The following YPEL1 variants were observed in gnomAD, a reference collection of about 807,000 sequenced individuals.
The protein encoded by YPEL1 is protein yippee-like 1.
Under a neutral mutation model 17.3 loss-of-function variants are expected in YPEL1, and 7 were observed. That is an observed-to-expected ratio of 0.40 (90% CI 0.23 to 0.76). The LOEUF is 0.76. Among genes scored for constraint, YPEL1 ranks in the 30% least tolerant of loss-of-function variants. The probability of loss-of-function intolerance (pLI) is 0.35; values close to 1 mark genes in which losing one functional copy is unlikely to be tolerated. For missense variants in YPEL1, 91 were observed against 155.5 expected (o/e 0.59, Z 2.21); for synonymous variants, 59 against 59.6 (o/e 0.99, Z 0.05).
chr22:21,717,181 G>T (rs113985413), intron 1 of YPEL1, among the ~76,000 whole-genome samples: 17,505 of 151,974 alleles, frequency 0.12, 1,281 homozygotes, highest in Non-Finnish European at 0.17. Context: ...TTCGAGACCA[G>T]CCTGGCCAAC....
chr22:21,715,736 C>T (rs1236127416), intron 1 of YPEL1, among the ~76,000 whole-genome samples: 1 of 111,254 alleles, frequency 9.0e-6, no homozygotes, highest in Non-Finnish European at 2.2e-5. Flanking sequence ...CACGTGCCAC[C>T]ACACCTAATT....
chr22:21,725,687 T>G (rs903284097), intron 1 of YPEL1, among the ~76,000 whole-genome samples: 14 of 151,678 alleles, frequency 9.2e-5, no homozygotes, highest in Non-Finnish European at 1.8e-4. Flanking sequence ...CAAAAGTAAA[T>G]GGGGGTTGAA....
rs1047659143 is a variant in YPEL1 at position 21,699,031 on chromosome 22, C to T, written c.*2098G>A. 6.6e-6 allele frequency: 1 copy of T among 152,426 alleles called. No individual in the cohort carries two copies. Among genetic ancestry groups the T allele is most frequent in the Non-Finnish European group, 1.5e-5 (1 of 68,072 alleles). 9.4% of individuals were successfully genotyped at this position (152,426 alleles called of 1,614,324 possible). ...GGATGCATCTCAGTGCCATGCCCACCAGGGCAGCGGCATTTCCCACCTGCC... is the reference window on the plus strand; with the variant it reads ...GGATGCATCTCAGTGCCATGCCCACTAGGGCAGCGGCATTTCCCACCTGCC... On this transcript the variant is annotated 3_prime_UTR_variant, in exon 5 of 5. Coordinates refer to ENST00000339468, the MANE Select transcript of YPEL1 (RefSeq NM_013313.5).
intron 2 of YPEL1, among the ~76,000 whole-genome samples, chr22:21,708,794 G>A (rs2068138054): frequency 6.6e-6 from 1 of 150,986 alleles, no homozygotes; most frequent in South Asian, 2.1e-4. Flanking sequence ...AGCCTCCCAA[G>A]TAGCTGGGAT....
At chr22:21,724,451 A>T (rs2068312823) in intron 1 of YPEL1, among the ~76,000 whole-genome samples, 1 of 152,190 alleles carries the variant, frequency 6.6e-6, no homozygotes, top group Non-Finnish European at 1.5e-5. Flanking sequence ...GCAGGAGAAT[A>T]GCTTGAACTC....
chr22:21,726,339 T>C (rs1045880205), intron 1 of YPEL1, among the ~76,000 whole-genome samples: 3 of 152,224 alleles, frequency 2.0e-5, no homozygotes, highest in African/African-American at 7.2e-5. Context: ...GACAGGCGTT[T>C]GCCCTTTACA....
intron 1 of YPEL1, among the ~76,000 whole-genome samples, chr22:21,734,885 T>A (rs892089842): frequency 1.3e-5 from 2 of 151,988 alleles, no homozygotes; most frequent in African/African-American, 2.4e-5. Context: ...AAAGGAAACA[T>A]CAGGTTAAGG....
chr22:21,704,353 A>G (rs2068096547), intron 2 of YPEL1, among the ~76,000 whole-genome samples: 1 of 152,102 alleles, frequency 6.6e-6, no homozygotes, highest in South Asian at 2.1e-4. Context: ...TTCCCACTGA[A>G]ATGTTTTAAA....
At chr22:21,705,500 C>G (rs2148597278) in intron 2 of YPEL1, among the ~76,000 whole-genome samples, 1 of 152,226 alleles carries the variant, frequency 6.6e-6, no homozygotes, top group Non-Finnish European at 1.5e-5. Flanking sequence ...ACCACCATGC[C>G]CAGCCCTTTT....
chr22:21,715,584 TTTA>T (rs2068213466), intron 1 of YPEL1, among the ~76,000 whole-genome samples: 1 of 91,414 alleles, frequency 1.1e-5, no homozygotes, highest in African/African-American at 3.0e-5. Context: ...AGGTAGATTT[TTTA>T]TTTTTTTTAT....
intron 1 of YPEL1, among the ~76,000 whole-genome samples, chr22:21,719,647 G>A (rs1373281691): frequency 6.6e-6 from 1 of 152,190 alleles, no homozygotes; most frequent in Non-Finnish European, 1.5e-5. Context: ...CACTTTGGGA[G>A]GGTGAGGCAG....
In YPEL1 at chr22:21,712,315, ACATATTCTCTATATATC is replaced by A. The variant is rs1569060812; in HGVS notation, c.-164-1424_-164-1408del. On this transcript the variant is annotated intron_variant, in intron 1 of 4. Coordinates refer to ENST00000339468, the MANE Select transcript of YPEL1 (RefSeq NM_013313.5). ...TACATATATTCTATATTCTCTCTAT[ACATATTCTCTATATATC>A]CATATTCTCTATATATCCTAGTTAT... 7.3e-5 allele frequency among the ~76,000 whole-genome samples: 11 copies of A among 150,648 alleles called. No homozygotes were observed. In the South Asian group the frequency reaches 1.9e-3, roughly 26 times the overall value.
Position 21,703,286 on chromosome 22 carries a change from G to A in YPEL1, c.270+84C>T. 2 of 1,209,894 alleles carry A rather than the reference G, an allele frequency of 1.7e-6. No homozygotes were observed. The highest frequency in any genetic ancestry group is 1.7e-5 in the Admixed American group (1 of 58,242). The allele number at this position is 1,209,894 out of a possible 1,614,324, so 74.9% of individuals were successfully genotyped here. On this transcript the variant is annotated intron_variant, in intron 4 of 4. Coordinates refer to ENST00000339468, the MANE Select transcript of YPEL1 (RefSeq NM_013313.5). This position sits in a 1 kb window ranked among gnomAD's most constrained non-coding sequence, Gnocchi z 6.1. ...GAAAGTGCTGTGACTGGTACCATGG[G>A]CCACACTGCACGGGGAGGTGTGGCT... is the stretch of plus-strand genomic sequence containing the variant.
intron 1 of YPEL1, among the ~76,000 whole-genome samples, chr22:21,734,260 G>C (rs980749373): frequency 6.6e-6 from 1 of 152,162 alleles, no homozygotes; most frequent in African/African-American, 2.4e-5. Flanking sequence ...AAATTACAGT[G>C]ATTCAAAGGT....
At chr22:21,701,911 C>G (rs1027807169) in intron 4 of YPEL1, among the ~76,000 whole-genome samples, 3 of 152,138 alleles carry the variant, frequency 2.0e-5, no homozygotes, top group Non-Finnish European at 4.4e-5. Flanking sequence ...AAAAACTTAG[C>G]TGGGTGTGGT....
intron 2 of YPEL1, among the ~76,000 whole-genome samples, chr22:21,705,857 C>T (rs1474454555): frequency 6.6e-6 from 1 of 151,992 alleles, no homozygotes; most frequent in Non-Finnish European, 1.5e-5. Context: ...AGGCCAGGCG[C>T]GGTGGCTCAC....
chr22:21,716,476 G>C (rs375495755), intron 1 of YPEL1, among the ~76,000 whole-genome samples: 1 of 151,866 alleles, frequency 6.6e-6, no homozygotes, highest in Non-Finnish European at 1.5e-5. Context: ...CAGCCACCCC[G>C]GGCTTCCGAT....
chr22:21,713,859 T>A (rs2068195344), intron 1 of YPEL1, among the ~76,000 whole-genome samples: 1 of 152,180 alleles, frequency 6.6e-6, no homozygotes, highest in African/African-American at 2.4e-5. Context: ...GCGCCAAGTT[T>A]TCCTGGTGGC....
chr22:21,721,012 T>G (rs562913014), intron 1 of YPEL1, among the ~76,000 whole-genome samples: 2 of 152,124 alleles, frequency 1.3e-5, no homozygotes, highest in East Asian at 3.9e-4. Flanking sequence ...TGTTTCACCA[T>G]GTTGGCCAGG....
Sources: allele counts gnomAD v4.1 joint callset (sites outside exome capture counted in the v4.1 genomes callset), GRCh38; gene constraint gnomAD v4.1.1; non-coding constraint Gnocchi (gnomAD v3.1); transcripts MANE v1.5; gene names NCBI Gene and HGNC (gene_info 2026-07-23, HGNC 2026-07-21).